Variants in COG5 observed in about 807,000 individuals in gnomAD.
COG5 encodes component of oligomeric golgi complex 5, also known as conserved oligomeric Golgi complex subunit 5.
Under a neutral mutation model 110.4 loss-of-function variants are expected in COG5, and 86 were observed. That is an observed-to-expected ratio of 0.78 (90% CI 0.65 to 0.93). The LOEUF (loss-of-function observed/expected upper bound fraction) is 0.93, where lower values mean the gene tolerates loss of function less well. Among genes scored for constraint, COG5 ranks in the 40% least tolerant of loss-of-function variants. The pLI, the probability that COG5 is intolerant of heterozygous loss-of-function variation, is 0.00. For synonymous variants in COG5, 360 were observed against 334.6 expected (o/e 1.08, Z -0.83); for missense variants, 1,077 against 987.0 (o/e 1.09, Z -1.22).
rs941353857 is a variant in COG5, at chr7:107,354,511, T to G, written c.1026+7522A>C. ...TACCCATATGGTGAAACTCCATCTC[T>G]ACTAAAAATACAAAAATTAGCCAGC... On this transcript the variant is annotated intron_variant, in intron 10 of 21. Coordinates refer to ENST00000297135, the MANE Select transcript of COG5 (RefSeq NM_006348.5). 1.2e-4 allele frequency among the ~76,000 whole-genome samples: 19 copies of G among 152,132 alleles called. No individual in the cohort carries two copies. The East Asian group carries it at 3.1e-3, about 25-fold the overall frequency.
chr7:107,345,579 G>T (rs1268315957), intron 10 of COG5, among the ~76,000 whole-genome samples: 3 of 151,944 alleles, frequency 2.0e-5, no homozygotes, highest in East Asian at 1.9e-4. Flanking sequence ...AATGGGAGGT[G>T]GTGTTCAATG....
chr7:107,258,448 T>TCA (rs982586773), intron 14 of COG5, 65 bp from the exon 15 acceptor site: 45 of 879,638 alleles, frequency 5.1e-5, no homozygotes, highest in South Asian at 8.0e-5. Flanking sequence ...TCTCTCTCTC[T>TCA]CTCACACACA....
intron 6 of COG5, among the ~76,000 whole-genome samples, chr7:107,429,610 T>C (rs1793875522): frequency 6.6e-6 from 1 of 152,136 alleles, no homozygotes; most frequent in African/African-American, 2.4e-5. Flanking sequence ...GTTGGTGATA[T>C]GGTTTGGCTG....
At chr7:107,289,841 A>G (rs1199273367) in intron 12 of COG5, among the ~76,000 whole-genome samples, 4 of 152,180 alleles carry the variant, frequency 2.6e-5, no homozygotes, top group African/African-American at 7.2e-5. Flanking sequence ...CATTTCCTAG[A>G]AAATTTCAGC....
intron 11 of COG5, among the ~76,000 whole-genome samples, chr7:107,318,801 G>A (rs559135292): frequency 6.6e-6 from 1 of 152,108 alleles, no homozygotes; most frequent in East Asian, 1.9e-4. Context: ...TTCCATAAAC[G>A]CCCTATCTCC....
At chr7:107,347,145 C>T (rs1054376420) in intron 10 of COG5, among the ~76,000 whole-genome samples, 1 of 152,094 alleles carries the variant, frequency 6.6e-6, no homozygotes, top group Admixed American at 6.6e-5. Flanking sequence ...ACTCAAACAA[C>T]TAAAGAGTTT....
intron 6 of COG5, among the ~76,000 whole-genome samples, chr7:107,444,041 T>G (rs1794869252): frequency 6.6e-6 from 1 of 152,210 alleles, no homozygotes. Context: ...GGACTGACAG[T>G]TGAAAGACAT....
chr7:107,529,318 G>C (rs1168345839), intron 5 of COG5, among the ~76,000 whole-genome samples: 1 of 152,212 alleles, frequency 6.6e-6, no homozygotes, highest in East Asian at 1.9e-4. Flanking sequence ...TGATGATTTG[G>C]AAGTTATCAC....
intron 5 of COG5, among the ~76,000 whole-genome samples, chr7:107,531,635 G>A (rs988378088): frequency 6.7e-6 from 1 of 149,680 alleles, no homozygotes; most frequent in South Asian, 2.1e-4. Context: ...ATTAGTCGGT[G>A]AGGGCGGGGG....
At chr7:107,407,523 G>A (rs1029922436) in intron 7 of COG5, among the ~76,000 whole-genome samples, 1 of 151,666 alleles carries the variant, frequency 6.6e-6, no homozygotes, top group South Asian at 2.1e-4. Flanking sequence ...CTTAATGAAC[G>A]TCAATCCAGT....
chr7:107,342,382 A>AAG (rs1299842583), intron 10 of COG5, among the ~76,000 whole-genome samples: 1 of 151,402 alleles, frequency 6.6e-6, no homozygotes, highest in Non-Finnish European at 1.5e-5. Flanking sequence ...AAAAAAAAAA[A>AAG]AAAACACACC....
At chr7:107,255,746 G>C (rs1188621028) in intron 16 of COG5, among the ~76,000 whole-genome samples, 1 of 152,040 alleles carries the variant, frequency 6.6e-6, no homozygotes, top group Non-Finnish European at 1.5e-5. Flanking sequence ...TTATTTACTT[G>C]TTTGAGGTCA....
At chr7:107,320,182 G>T (rs893795213) in intron 11 of COG5, among the ~76,000 whole-genome samples, 1 of 152,094 alleles carries the variant, frequency 6.6e-6, no homozygotes, top group African/African-American at 2.4e-5. Flanking sequence ...GTGACTCTGT[G>T]AAGTTTTGTT....
At chr7:107,374,794 T>C (rs1814487600) in intron 7 of COG5, among the ~76,000 whole-genome samples, 1 of 152,052 alleles carries the variant, frequency 6.6e-6, no homozygotes, top group South Asian at 2.1e-4. Context: ...TCAATTAACA[T>C]GTTCACTTTT....
chr7:107,316,530 C>T (rs183034690), intron 11 of COG5, among the ~76,000 whole-genome samples: 10 of 151,960 alleles, frequency 6.6e-5, no homozygotes, highest in Admixed American at 2.0e-4. Flanking sequence ...AAAAGAAAAG[C>T]AGGCAGGGCG....
intron 6 of COG5, among the ~76,000 whole-genome samples, chr7:107,523,453 T>C (rs928290123): frequency 6.6e-6 from 1 of 152,058 alleles, no homozygotes; most frequent in African/African-American, 2.4e-5. Flanking sequence ...ATGACTAAAA[T>C]TAAGACAGTG....
chr7:107,462,358 T>G (rs1369308681), intron 6 of COG5, among the ~76,000 whole-genome samples: 2 of 152,172 alleles, frequency 1.3e-5, no homozygotes, highest in Non-Finnish European at 2.9e-5. Context: ...TCTCACCAGA[T>G]GTTCACAGGC....
intron 6 of COG5, among the ~76,000 whole-genome samples, chr7:107,430,133 T>C (rs1355097076): frequency 1.3e-5 from 2 of 152,202 alleles, no homozygotes; most frequent in African/African-American, 2.4e-5. Context: ...TTATCTCATT[T>C]CCTTTTGTCA....
chr7:107,398,774 T>C (rs745911930), intron 7 of COG5, among the ~76,000 whole-genome samples: 1 of 152,196 alleles, frequency 6.6e-6, no homozygotes, highest in African/African-American at 2.4e-5. Context: ...GAAATTATAA[T>C]CTATCAAAAT....
Sources: allele counts gnomAD v4.1 joint callset (sites outside exome capture counted in the v4.1 genomes callset), GRCh38; gene constraint gnomAD v4.1.1; transcripts MANE v1.5; gene names NCBI Gene and HGNC (gene_info 2026-07-23, HGNC 2026-07-21).